ARHGEF3: variants seen among roughly 807,000 people sequenced by gnomAD.
The protein encoded by ARHGEF3 is 59.8 kDA protein.
Under a neutral mutation model 63.2 loss-of-function variants are expected in ARHGEF3, and 28 were observed. That is an observed-to-expected ratio of 0.44 (90% CI 0.33 to 0.61). The LOEUF (loss-of-function observed/expected upper bound fraction) is 0.61. Ranked by LOEUF, ARHGEF3 falls within the 20% of genes least tolerant of loss-of-function variation. The pLI, the probability that ARHGEF3 is intolerant of heterozygous loss-of-function variation, is 0.03. For synonymous variants in ARHGEF3, 266 were observed against 254.2 expected (o/e 1.05, Z -0.44); for missense variants, 533 against 659.3 (o/e 0.81, Z 2.10).
At chr3:56,961,675 A>C (rs559511766) in intron 2 of ARHGEF3, among the ~76,000 whole-genome samples, 1 of 151,812 alleles carries the variant, frequency 6.6e-6, no homozygotes. Flanking sequence ...GGCTGTCCCT[A>C]ATTGTTAGCT....
At chr3:56,920,365 G>A (rs1043603188) in intron 3 of ARHGEF3, among the ~76,000 whole-genome samples, 1 of 152,162 alleles carries the variant, frequency 6.6e-6, no homozygotes, top group African/African-American at 2.4e-5. Context: ...CACCAAAAGT[G>A]TCATGGTATC....
chr3:57,073,556 G>T, intron 1 of ARHGEF3: 1 of 1,372,830 alleles, frequency 7.3e-7, no homozygotes, highest in East Asian at 2.5e-5. Flanking sequence ...GATGATTGGT[G>T]GTGGGGTGTG....
intron 2 of ARHGEF3, among the ~76,000 whole-genome samples, chr3:56,968,261 A>AT (rs1400769232): frequency 0.036 from 1,308 of 36,306 alleles, 136 homozygotes; most frequent in Non-Finnish European, 0.06. Context: ...TATAATATTT[A>AT]AATATATAAT....
At chr3:56,821,070 C>A (rs1033338319) in intron 4 of ARHGEF3, among the ~76,000 whole-genome samples, 5 of 151,720 alleles carry the variant, frequency 3.3e-5, no homozygotes, top group African/African-American at 4.8e-5. Context: ...GGCACCTGAG[C>A]CTAGGAGACA....
chr3:57,060,523 C>A (rs1051159246), intron 1 of ARHGEF3: 3 of 152,128 alleles, frequency 2.0e-5, no homozygotes, highest in African/African-American at 7.3e-5. Context: ...CTGGAGGAAG[C>A]TCACAGCAGC....
chr3:57,026,258 A>C (rs35351770), intron 2 of ARHGEF3, among the ~76,000 whole-genome samples: 17,951 of 152,130 alleles, frequency 0.12, 1,416 homozygotes, highest in Non-Finnish European at 0.17. Context: ...TAAATTAGCC[A>C]GGTGTGGTGG....
chr3:57,054,476 G>GAA (rs368357673), intron 1 of ARHGEF3, among the ~76,000 whole-genome samples: 14 of 126,966 alleles, frequency 1.1e-4, no homozygotes, highest in East Asian at 2.4e-4. Context: ...CAAAAAATAC[G>GAA]AAAAAAAAAA....
At chr3:56,940,516 C>A (rs1026619543) in intron 3 of ARHGEF3, 1 of 152,168 alleles carries the variant, frequency 6.6e-6, no homozygotes, top group Non-Finnish European at 1.5e-5. Context: ...TAAGAATGAG[C>A]TCCAATGTTC....
intron 1 of ARHGEF3, among the ~76,000 whole-genome samples, chr3:57,039,162 C>T (rs539147264): frequency 6.6e-6 from 1 of 152,208 alleles, no homozygotes; most frequent in Non-Finnish European, 1.5e-5. Flanking sequence ...CCACCACTCC[C>T]TCGTTCCTCT....
intron 1 of ARHGEF3, among the ~76,000 whole-genome samples, chr3:56,779,197 T>C (rs1366705323): frequency 6.6e-6 from 1 of 152,244 alleles, no homozygotes; most frequent in Non-Finnish European, 1.5e-5. Context: ...CCCTATTTTA[T>C]TGCATTTTAT....
intron 1 of ARHGEF3, among the ~76,000 whole-genome samples, chr3:56,797,313 T>C (rs2037421127): frequency 6.6e-6 from 1 of 152,226 alleles, no homozygotes; most frequent in Non-Finnish European, 1.5e-5. Flanking sequence ...TGCTAGTTCA[T>C]GTGCATTCTT....
intron 3 of ARHGEF3, among the ~76,000 whole-genome samples, chr3:56,939,377 A>G (rs1360439830): frequency 1.3e-5 from 2 of 152,216 alleles, no homozygotes; most frequent in Non-Finnish European, 2.9e-5. Context: ...TAGCAAGATC[A>G]CTACCATGAC....
At chr3:56,749,648 A>G (rs77679235) in intron 6 of ARHGEF3, among the ~76,000 whole-genome samples, 52 of 152,346 alleles carry the variant, frequency 3.4e-4, no homozygotes, top group African/African-American at 1.2e-3. Flanking sequence ...TGGGCTAAAG[A>G]AGTTAAAACA....
At chr3:57,028,682 T>C (rs1184199856) in intron 2 of ARHGEF3, among the ~76,000 whole-genome samples, 1 of 140,586 alleles carries the variant, frequency 7.1e-6, no homozygotes, top group Non-Finnish European at 1.6e-5. Context: ...CCCTAAAACT[T>C]AAAGTATAAT....
chr3:56,804,899 G>A (rs376292671), upstream of ARHGEF3, among the ~76,000 whole-genome samples: 3 of 152,120 alleles, frequency 2.0e-5, no homozygotes, highest in East Asian at 3.9e-4. Context: ...AGTGACATGC[G>A]TCACTCAGGG....
At chr3:57,063,274 A>T (rs1205774280) in intron 1 of ARHGEF3, among the ~76,000 whole-genome samples, 2 of 140,950 alleles carry the variant, frequency 1.4e-5, no homozygotes, top group Non-Finnish European at 3.0e-5. Flanking sequence ...GCCAGATCAC[A>T]TGGGGCCTTG....
intron 2 of ARHGEF3, among the ~76,000 whole-genome samples, chr3:57,018,957 A>G (rs973721186): frequency 1.3e-5 from 2 of 152,136 alleles, no homozygotes; most frequent in African/African-American, 4.8e-5. Context: ...TATATATGCC[A>G]TCTCTCGCAG....
At chr3:56,795,380 A>AG (rs570752265) in intron 1 of ARHGEF3, among the ~76,000 whole-genome samples, 175 of 152,054 alleles carry the variant, frequency 1.2e-3, no homozygotes, top group African/African-American at 3.9e-3. Context: ...ATAAATCCTC[A>AG]GAAAAAAAGA....
chr3:56,746,457 C>T (rs995735659), intron 6 of ARHGEF3, among the ~76,000 whole-genome samples: 7 of 152,042 alleles, frequency 4.6e-5, no homozygotes, highest in Admixed American at 2.0e-4. Flanking sequence ...GGCGGCCAGG[C>T]GCAGTGGCTC....
Sources: gnomAD v4.1 joint callset for allele counts (sites outside exome capture counted in the v4.1 genomes callset) on GRCh38, gnomAD v4.1.1 for gene constraint, MANE v1.5 for transcripts, NCBI Gene and HGNC (gene_info 2026-07-23, HGNC 2026-07-21) for gene names.